SETX: variants seen among roughly 807,000 people sequenced by gnomAD.
The protein encoded by SETX is senataxin.
SETX carries 90 observed loss-of-function variants against 227.2 expected under a neutral mutation model. That is an observed-to-expected ratio of 0.40 (90% confidence interval 0.33 to 0.47). The LOEUF (loss-of-function observed/expected upper bound fraction) is 0.47. Ranked by LOEUF, SETX falls within the 20% of genes least tolerant of loss-of-function variation. The pLI is 0.91. For missense variants in SETX, 3,052 were observed against 3,181.5 expected (o/e 0.96, Z 0.98); for synonymous variants, 1,210 against 1,113.2 (o/e 1.09, Z -1.73).
chr9:132,289,278 T>C (rs987573655), intron 15 of SETX, among the ~76,000 whole-genome samples: 1 of 152,226 alleles, frequency 6.6e-6, no homozygotes, highest in Admixed American at 6.5e-5. Flanking sequence ...AGCTGCTCTC[T>C]GATAAGTTAA....
intron 11 of SETX, among the ~76,000 whole-genome samples, chr9:132,309,916 C>CACTGACAA (rs1385844969): frequency 2.0e-5 from 3 of 152,058 alleles, no homozygotes; most frequent in African/African-American, 7.3e-5. Context: ...GGACACAGAG[C>CACTGACAA]ACTGACAATA....
In SETX at chr9:132,271,811, A is replaced by G; in HGVS notation, c.7101-3T>C. 1.2e-6 allele frequency: 2 copies of G among 1,609,934 alleles called. No individual in the cohort carries two copies. Among genetic ancestry groups the G allele is most frequent in the Non-Finnish European group, 1.7e-6 (2 of 1,176,396 alleles). ...CCACAGTGTCTACTTCTGCTGGTCT[A>G]TTTACAAAAGAGAAACATATTTACT... On this transcript the variant is annotated splice_polypyrimidine_tract_variant and splice_region_variant and intron_variant, in intron 23 of 25. Coordinates refer to ENST00000224140, the MANE Select transcript of SETX (RefSeq NM_015046.7).
At chr9:132,292,370 A>G (rs543907689) in intron 15 of SETX, among the ~76,000 whole-genome samples, 9 of 148,342 alleles carry the variant, frequency 6.1e-5, no homozygotes, top group African/African-American at 2.2e-4. Context: ...GCAAGGCTGC[A>G]CTGAGCCATG....
rs1846899665 is a variant in SETX, at chr9:132,327,486, G to A, written c.4112C>T (p.Thr1371Ile). ...ATGTGACCCTGCTCTTTTAACATCTGTACTTTCACAATCAGAAAGTCTTCG... is the reference window on the plus strand; with the variant it reads ...ATGTGACCCTGCTCTTTTAACATCTATACTTTCACAATCAGAAAGTCTTCG... ...NRRRLSDCES[T>I]DVKRAGSHTA... Residue 1371 changes from threonine (T) to isoleucine (I), a missense_variant, in exon 10 of 26, where the codon ACA (threonine) becomes ATA (isoleucine). Thr to Ile is a moderately conservative substitution (Grantham distance 89). Around this residue, in one of 10 missense-constraint regions of SETX, gnomAD observed 1,483 missense variants for 1,312.0 expected, o/e 1.13. Transcript: ENST00000224140. The A allele has an allele frequency of 6.2e-7, 1 of 1,613,898 alleles. No individual in the cohort carries two copies. Among genetic ancestry groups the A allele is most frequent in the African/African-American group, 1.3e-5 (1 of 74,894 alleles).
chr9:132,319,600 T>G (rs1054378533), intron 10 of SETX, among the ~76,000 whole-genome samples: 1 of 152,220 alleles, frequency 6.6e-6, no homozygotes, highest in Admixed American at 6.5e-5. Flanking sequence ...TTCTTGACAT[T>G]CCACCCCACC....
intron 10 of SETX, among the ~76,000 whole-genome samples, chr9:132,320,733 T>C (rs941688117): frequency 7.9e-5 from 12 of 151,986 alleles, no homozygotes; most frequent in East Asian, 1.9e-4. Context: ...TCAAAGTAGA[T>C]TGAACACACA....
chr9:132,294,465 T>G (rs1337171705), intron 15 of SETX, among the ~76,000 whole-genome samples: 4 of 152,156 alleles, frequency 2.6e-5, no homozygotes, highest in Admixed American at 6.5e-5. Context: ...ATCTCACAAA[T>G]GTAAAGGCAA....
chr9:132,328,767 G>A lies in SETX; in HGVS notation c.2831C>T (p.Pro944Leu). 1 of 1,611,256 alleles carries A rather than the reference G, an allele frequency of 6.2e-7. No homozygotes were observed. The change falls in exon 10 of 26, where the codon CCT becomes CTT. Residue 944 changes from proline (P) to leucine (L), a missense_variant. Coordinates refer to ENST00000224140, the MANE Select transcript of SETX (RefSeq NM_015046.7). ...IYSNLTREQA[P>L]DISPKSDTLT... ...GGTGTCAGATTTAGGACTGATGTCA[G>A]GGGCCTGTTCTCTTGTCAAGTTAGA...
At chr9:132,300,913 C>G (rs1369307096) in intron 11 of SETX, 110 bp from the exon 12 acceptor site, 2 of 891,290 alleles carry the variant, frequency 2.2e-6, no homozygotes, top group East Asian at 5.3e-5. Flanking sequence ...ATACACAGCA[C>G]TAAAGGACTC....
Position 132,330,506 on chromosome 9 carries a change from T to C in SETX, c.1099-7A>G, listed in dbSNP as rs764675117. On this transcript the variant is annotated splice_region_variant and splice_polypyrimidine_tract_variant and intron_variant, in intron 9 of 25. Transcript: ENST00000224140. ...CTGTTCTCCATCCAGAATCCTAAAA[T>C]GAAAGAAATGCTGATGTTCAGATAA... is the stretch of plus-strand genomic sequence containing the variant. The C allele has an allele frequency of 2.1e-5, 33 of 1,609,524 alleles. No homozygotes were observed. The highest frequency in any genetic ancestry group is 2.7e-5 in the African/African-American group (2 of 74,884).
rs771514233 is a variant in SETX, at chr9:132,283,427, G to A, written c.6397-14C>T. On this transcript the variant is annotated splice_polypyrimidine_tract_variant and intron_variant, in intron 18 of 25. Transcript: ENST00000224140. ...GCGTCCTTGAACCTAAGAGAACAAA[G>A]GTTAAATCAATATTCAGCTGTACAT... is the stretch of plus-strand genomic sequence containing the variant. The A allele has an allele frequency of 6.2e-7, 1 of 1,614,042 alleles. No individual in the cohort carries two copies. The highest frequency in any genetic ancestry group is 1.1e-5 in the South Asian group (1 of 91,062).
chr9:132,305,629 C>A (rs1791485361), intron 11 of SETX, among the ~76,000 whole-genome samples: 1 of 152,034 alleles, frequency 6.6e-6, no homozygotes, highest in African/African-American at 2.4e-5. Flanking sequence ...AAATGCAAAA[C>A]CTGAATTTGA....
chr9:132,329,747 T>C lies in SETX; in HGVS notation c.1851A>G (p.Ala617=), dbSNP rs1452918968. The C allele has an allele frequency of 1.2e-6, 2 of 1,614,144 alleles. No homozygotes were observed. The highest frequency in any genetic ancestry group is 8.5e-7 in the Non-Finnish European group (1 of 1,180,010). ...GTTCACTTTCTTCTTTATTATAAGA[T>C]GCAGGAGAGATTTTACATGCAGAAG... ...DLTSACKISP[A]SYNKEESEQM... The change falls in exon 10 of 26, where the codon GCA becomes GCG. Residue 617 remains alanine, a synonymous_variant. Coordinates refer to ENST00000224140, the MANE Select transcript of SETX (RefSeq NM_015046.7).
chr9:132,334,559 GCAT>G (rs1380333073), intron 7 of SETX, 46 bp downstream of exon 7: 3 of 1,601,724 alleles, frequency 1.9e-6, no homozygotes, highest in Admixed American at 1.7e-5. Flanking sequence ...TTTTTAAAGT[GCAT>G]CATCATCACT....
Position 132,297,001 on chromosome 9 carries a change from T to C in SETX, c.5835A>G (p.Ala1945=), listed in dbSNP as rs1298267771. The C allele has an allele frequency of 5.0e-6, 8 of 1,614,002 alleles. No homozygotes were observed. In the South Asian group the frequency reaches 6.6e-5, roughly 13 times the overall value. The change falls in exon 14 of 26, where the codon GCA becomes GCG. Residue 1945 remains alanine (A), a synonymous_variant. Transcript: ENST00000224140. ...NEDQKKAIET[A]YAMVKHSPSV... Reference sequence around the variant, plus strand: ...ATGGTGAGTGTTTCACCATAGCATATGCAGTTTCTATTGCTTTCTTTTGAT... The same window carrying C: ...ATGGTGAGTGTTTCACCATAGCATACGCAGTTTCTATTGCTTTCTTTTGAT...
chr9:132,320,301 C>T (rs112577927), intron 10 of SETX, among the ~76,000 whole-genome samples: 99 of 152,180 alleles, frequency 6.5e-4, no homozygotes, highest in African/African-American at 2.3e-3. Flanking sequence ...CTAGGCCGGG[C>T]GCAGTGGCTC....
chr9:132,329,927 T>C lies in SETX; in HGVS notation c.1671A>G (p.Arg557=), dbSNP rs767796116. The part of the protein sequence containing the change: ...YQLGQQSLCK[R]FWDKLNLFLR... ...GGAATAAGTTGAGCTTATCCCAGAATCGCTTGCAAAGAGACTGCTGCCCAA... is the reference window on the plus strand; with the variant it reads ...GGAATAAGTTGAGCTTATCCCAGAACCGCTTGCAAAGAGACTGCTGCCCAA... The change falls in exon 10 of 26, where the codon CGA becomes CGG. Residue 557 remains arginine (R), a synonymous_variant. Coordinates refer to ENST00000224140, the MANE Select transcript of SETX (RefSeq NM_015046.7). 2 of 1,614,188 alleles carry C rather than the reference T, an allele frequency of 1.2e-6. No individual in the cohort carries two copies. The highest frequency in any genetic ancestry group is 3.3e-5 in the Admixed American group (2 of 60,024).
chr9:132,329,633 A>G lies in SETX; in HGVS notation c.1965T>C (p.Ser655=). 1 of 1,613,674 alleles carries G rather than the reference A, an allele frequency of 6.2e-7. No homozygotes were observed. The highest frequency in any genetic ancestry group is 1.6e-4 in the Middle Eastern group (1 of 6,062). The stretch of plus-strand genomic sequence containing the variant: ...TAGTGTTATCTGCTTTGATCAATAC[A>G]CTGTCTTGCACTTTCATTGGTTCTT... The part of the protein sequence containing the change: ...FSKEPMKVQD[S]VLIKADNTIE... Residue 655 remains serine, a synonymous_variant, in exon 10 of 26, where the codon AGT becomes AGC. Transcript: ENST00000224140.
intron 18 of SETX, among the ~76,000 whole-genome samples, chr9:132,284,549 G>T (rs1266859745): frequency 6.6e-6 from 1 of 152,088 alleles, no homozygotes; most frequent in African/African-American, 2.4e-5. Context: ...TGACAATCAG[G>T]GTATACACCT....
Sources: allele counts gnomAD v4.1 joint callset (sites outside exome capture counted in the v4.1 genomes callset), GRCh38; gene constraint gnomAD v4.1.1; regional missense constraint gnomAD v4.1.1; transcripts MANE v1.5; gene names NCBI Gene and HGNC (gene_info 2026-07-23, HGNC 2026-07-21).